Variants in LRRC8B observed in about 807,000 individuals in gnomAD.
The protein encoded by LRRC8B is leucine rich repeat containing 8 VRAC subunit B.
LRRC8B carries 23 observed loss-of-function variants against 58.8 expected under a neutral mutation model. That is an observed-to-expected ratio of 0.39 (90% CI 0.28 to 0.55). The LOEUF (loss-of-function observed/expected upper bound fraction) is 0.55, where lower values mean the gene tolerates loss of function less well. LRRC8B is among the 20% of genes least tolerant of loss of function. The probability of loss-of-function intolerance (pLI) is 0.62; values close to 1 mark genes in which losing one functional copy is unlikely to be tolerated. For missense variants in LRRC8B, 694 were observed against 936.0 expected (o/e 0.74, Z 3.37); for synonymous variants, 359 against 374.1 (o/e 0.96, Z 0.47).
intron 1 of LRRC8B, among the ~76,000 whole-genome samples, chr1:89,545,916 C>G (rs17438800): frequency 0.19 from 29,174 of 152,082 alleles, 3,503 homozygotes; most frequent in Admixed American, 0.31. Flanking sequence ...GAAATCATTG[C>G]GGATGAAACG....
chr1:89,549,761 C>A (rs1651673255), intron 1 of LRRC8B, among the ~76,000 whole-genome samples: 1 of 152,118 alleles, frequency 6.6e-6, no homozygotes, highest in Admixed American at 6.5e-5. Flanking sequence ...TAAATGAGTT[C>A]TTTTATATGG....
chr1:89,588,878 G>A (rs1370677998), intron 5 of LRRC8B, among the ~76,000 whole-genome samples: 1 of 152,124 alleles, frequency 6.6e-6, no homozygotes, highest in African/African-American at 2.4e-5. Flanking sequence ...ATACAGCCTA[G>A]GCTAGGAAAG....
At chr1:89,552,342 T>G (rs1377150531) in intron 1 of LRRC8B, among the ~76,000 whole-genome samples, 2 of 152,188 alleles carry the variant, frequency 1.3e-5, no homozygotes, top group Non-Finnish European at 2.9e-5. Flanking sequence ...GAATAAGAGA[T>G]ATGGTAATGG....
intron 3 of LRRC8B, among the ~76,000 whole-genome samples, chr1:89,568,806 G>A (rs1653222858): frequency 6.6e-6 from 1 of 151,948 alleles, no homozygotes; most frequent in South Asian, 2.1e-4. Flanking sequence ...TGGCAGACTT[G>A]GAGTCCATGT....
chr1:89,544,834 C>T (rs1287967979), intron 1 of LRRC8B, among the ~76,000 whole-genome samples: 2 of 152,110 alleles, frequency 1.3e-5, no homozygotes, highest in Admixed American at 1.3e-4. Flanking sequence ...TTTGGAAAAG[C>T]AGAATGCAAA....
chr1:89,555,591 G>A (rs769612258), intron 1 of LRRC8B, among the ~76,000 whole-genome samples: 21 of 152,162 alleles, frequency 1.4e-4, no homozygotes, highest in Non-Finnish European at 2.1e-4. Context: ...ATTACTTATA[G>A]GTTTGTGATA....
chr1:89,531,596 T>C (rs557372503), intron 1 of LRRC8B, among the ~76,000 whole-genome samples: 1 of 152,286 alleles, frequency 6.6e-6, no homozygotes, highest in South Asian at 2.1e-4. Flanking sequence ...GGTAAATGTT[T>C]CTTTCAGACC....
intron 1 of LRRC8B, among the ~76,000 whole-genome samples, chr1:89,560,559 C>T (rs943770735): frequency 2.0e-5 from 3 of 149,884 alleles, no homozygotes; most frequent in African/African-American, 7.4e-5. Flanking sequence ...ACCACAGTCC[C>T]CAGAGTGTGA....
At chr1:89,570,847 G>A (rs181135269) in intron 3 of LRRC8B, among the ~76,000 whole-genome samples, 125 of 152,252 alleles carry the variant, frequency 8.2e-4, no homozygotes, top group African/African-American at 3.0e-3. Context: ...ATAATTTGGG[G>A]TTTTTATAAT....
chr1:89,542,090 C>T (rs1000157978), intron 1 of LRRC8B, among the ~76,000 whole-genome samples: 5 of 152,198 alleles, frequency 3.3e-5, no homozygotes, highest in African/African-American at 7.2e-5. Context: ...AGGCTACTCT[C>T]GTGTACCAAA....
chr1:89,589,196 GT>G (rs1466776703), intron 5 of LRRC8B, among the ~76,000 whole-genome samples: 1 of 152,160 alleles, frequency 6.6e-6, no homozygotes, highest in African/African-American at 2.4e-5. Context: ...CCCTACTCTA[GT>G]CCACTGCCCT....
intron 1 of LRRC8B, chr1:89,558,586 G>A (rs1250135598): frequency 1.3e-5 from 2 of 152,218 alleles, no homozygotes; most frequent in African/African-American, 4.8e-5. Context: ...AGAGACCATT[G>A]GATTTGAGGG....
chr1:89,583,386 A>T lies in LRRC8B; in HGVS notation c.736A>T (p.Met246Leu), dbSNP rs1341360853. Residue 246 changes from methionine (M) to leucine (L), a missense_variant, in exon 5 of 6, where the codon ATG (methionine) becomes TTG (leucine). Met to Leu is a conservative substitution (Grantham distance 15). Coordinates refer to ENST00000330947, the MANE Select transcript of LRRC8B (RefSeq NM_001369817.2). The surrounding 1 kb of genome is among the most constrained non-coding windows in gnomAD (Gnocchi z 5.2). ...AIFEKVKRFR[M>L]HVEQKDIIYR... is the part of the protein sequence containing the mutation. ...CTTTGAAAAAGTGAAAAGATTCCGC[A>T]TGCATGTGGAGCAGAAGGACATCAT... The T allele has an allele frequency of 6.2e-7, 1 of 1,614,218 alleles. No homozygotes were observed. Among genetic ancestry groups the T allele is most frequent in the East Asian group, 2.2e-5 (1 of 44,886 alleles).
chr1:89,570,824 T>C (rs1175471639), intron 3 of LRRC8B, among the ~76,000 whole-genome samples: 1 of 152,192 alleles, frequency 6.6e-6, no homozygotes, highest in Non-Finnish European at 1.5e-5. Context: ...CTAGGTTGTC[T>C]TCCAGGGTTT....
At chr1:89,532,957 T>A (rs900595872) in intron 1 of LRRC8B, among the ~76,000 whole-genome samples, 2 of 152,174 alleles carry the variant, frequency 1.3e-5, no homozygotes, top group African/African-American at 2.4e-5. Flanking sequence ...CTTGCTTTAT[T>A]CTCCCTACAG....
chr1:89,527,974 A>ATGAGT (rs1211956885), intron 1 of LRRC8B, among the ~76,000 whole-genome samples: 1 of 152,250 alleles, frequency 6.6e-6, no homozygotes, highest in Non-Finnish European at 1.5e-5. Context: ...ATGAATAAAA[A>ATGAGT]TGAGTTGTCA....
intron 1 of LRRC8B, among the ~76,000 whole-genome samples, chr1:89,544,777 T>C (rs1280801794): frequency 2.0e-5 from 3 of 152,228 alleles, no homozygotes; most frequent in Non-Finnish European, 4.4e-5. Flanking sequence ...TAAGTACTGT[T>C]TGATGTAACA....
In LRRC8B at chr1:89,596,801, G is replaced by A. The variant is rs1488698783; in HGVS notation, c.*3758G>A. On this transcript the variant is annotated 3_prime_UTR_variant, in exon 6 of 6. Transcript: ENST00000330947. ...TGTATTTATTTAGGAGGAAGCCAGTGCCTGTAATTATGTCTCATTGAGTAG... is the reference window on the plus strand; with the variant it reads ...TGTATTTATTTAGGAGGAAGCCAGTACCTGTAATTATGTCTCATTGAGTAG... The A allele has an allele frequency of 6.6e-6, 1 of 152,162 alleles. No homozygotes were observed. The highest frequency in any genetic ancestry group is 1.5e-5 in the Non-Finnish European group (1 of 68,016). 9.4% of individuals were successfully genotyped at this position (152,162 alleles called of 1,614,324 possible).
chr1:89,535,571 C>G (rs1396833636), intron 1 of LRRC8B, among the ~76,000 whole-genome samples: 3 of 152,116 alleles, frequency 2.0e-5, no homozygotes, highest in African/African-American at 7.2e-5. Context: ...ATAAATATAC[C>G]TAGTAGAAAC....
Sources: gnomAD v4.1 joint callset for allele counts (sites outside exome capture counted in the v4.1 genomes callset) on GRCh38, gnomAD v4.1.1 for gene constraint, Gnocchi (gnomAD v3.1) non-coding constraint, MANE v1.5 for transcripts, NCBI Gene and HGNC (gene_info 2026-07-23, HGNC 2026-07-21) for gene names.